Variants in PKHD1 observed in about 807,000 individuals in gnomAD.
The protein encoded by PKHD1 is PKHD1 ciliary IPT domain containing fibrocystin/polyductin.
Under a neutral mutation model 412.0 loss-of-function variants are expected in PKHD1, and 291 were observed. That is an observed-to-expected ratio of 0.71 (90% CI 0.64 to 0.78). The LOEUF is 0.78. Among genes scored for constraint, PKHD1 ranks in the 30% least tolerant of loss-of-function variants. The probability of loss-of-function intolerance (pLI) is 0.00; values close to 1 mark genes in which losing one functional copy is unlikely to be tolerated. For missense variants in PKHD1, 4,825 were observed against 4,950.7 expected (o/e 0.97, Z 0.76); for synonymous variants, 1,777 against 1,821.5 (o/e 0.98, Z 0.62).
intron 52 of PKHD1, among the ~76,000 whole-genome samples, chr6:51,829,757 A>G (rs1481510936): frequency 6.6e-6 from 1 of 152,130 alleles, no homozygotes; most frequent in Non-Finnish European, 1.5e-5. Context: ...TCTGCCACAC[A>G]AATAAAGCAA....
chr6:51,624,003 G>A lies in PKHD1; in HGVS notation c.11785+2994C>T, dbSNP rs546910650. 2.6e-5 allele frequency among the ~76,000 whole-genome samples: 4 copies of A among 152,208 alleles called. No individual in the cohort carries two copies. In the East Asian group the frequency reaches 7.7e-4, roughly 29 times the overall value. On this transcript the variant is annotated intron_variant, in intron 66 of 66. Transcript: ENST00000371117. ...ATATGAATTCCTCTAATATTCCATT[G>A]TTAATTATGATATTGGATCTTGATT...
At chr6:52,017,020 T>C (rs1230433020) in intron 34 of PKHD1, among the ~76,000 whole-genome samples, 1 of 152,232 alleles carries the variant, frequency 6.6e-6, no homozygotes, top group African/African-American at 2.4e-5. Context: ...TATGGCTTTT[T>C]TTCATACTTG....
chr6:51,963,969 T>C (rs139506647), intron 35 of PKHD1, among the ~76,000 whole-genome samples: 385 of 152,052 alleles, frequency 2.5e-3, no homozygotes, highest in Non-Finnish European at 4.4e-3. Flanking sequence ...CAATTCCTCA[T>C]AGGCATATGG....
chr6:51,655,563 CA>C (rs1387938044), intron 61 of PKHD1, among the ~76,000 whole-genome samples: 1 of 152,030 alleles, frequency 6.6e-6, no homozygotes, highest in African/African-American at 2.4e-5. Context: ...GGCAATGTCA[CA>C]AACAAAGAGC....
chr6:52,014,467 G>A (rs1800203678), intron 34 of PKHD1, among the ~76,000 whole-genome samples: 2 of 152,198 alleles, frequency 1.3e-5, no homozygotes, highest in African/African-American at 4.8e-5. Flanking sequence ...GAACAGAGTA[G>A]GGATGTGATC....
intron 42 of PKHD1, 30 bp from the exon 43 acceptor site, chr6:51,903,757 C>G: frequency 3.1e-6 from 5 of 1,593,860 alleles, no homozygotes; most frequent in Non-Finnish European, 4.3e-6. Context: ...AGGGGATCCA[C>G]AAACATAATT....
chr6:51,945,111 A>G (rs2180718), intron 36 of PKHD1, among the ~76,000 whole-genome samples: 11,680 of 152,292 alleles, frequency 0.077, 542 homozygotes, highest in Middle Eastern at 0.11. Context: ...GAAGGAAGAA[A>G]TATGACCTGG....
intron 55 of PKHD1, among the ~76,000 whole-genome samples, chr6:51,764,773 C>G (rs1275255364): frequency 6.6e-6 from 1 of 152,064 alleles, no homozygotes; most frequent in Admixed American, 6.6e-5. Context: ...CCCCTACTCT[C>G]CACATCAACC....
At chr6:51,911,175 A>C (rs951117538) in intron 39 of PKHD1, among the ~76,000 whole-genome samples, 1 of 152,156 alleles carries the variant, frequency 6.6e-6, no homozygotes, top group Non-Finnish European at 1.5e-5. Flanking sequence ...AAAGTTGACA[A>C]ATGATGTCTT....
At position 51,847,886 on chromosome 6, in the gene PKHD1, G is replaced by A. The variant is rs1289882278; in HGVS notation, c.7996C>T (p.Leu2666=). Residue 2666 remains leucine, a synonymous_variant, in exon 50 of 67, where the codon CTA becomes TTA. Transcript: ENST00000371117. ...TDLPPYPDIL[L]RCGSRVGLSF... ...AGACCCACTCGACTCCCACATCTTAGGAGGATGTCAGGGTAAGGCGGCAAA... is the reference window on the plus strand; with the variant it reads ...AGACCCACTCGACTCCCACATCTTAAGAGGATGTCAGGGTAAGGCGGCAAA... 6.2e-7 allele frequency: 1 copy of A among 1,613,382 alleles called. No homozygotes were observed. The highest frequency in any genetic ancestry group is 1.7e-5 in the Admixed American group (1 of 60,020).
intron 6 of PKHD1, among the ~76,000 whole-genome samples, chr6:52,074,098 C>T (rs1384127434): frequency 2.0e-5 from 3 of 152,200 alleles, no homozygotes; most frequent in Admixed American, 2.0e-4. Flanking sequence ...TAAACCATCA[C>T]AGACAATGTT....
intron 27 of PKHD1, among the ~76,000 whole-genome samples, chr6:52,038,374 C>CA (rs34413030): frequency 0.015 from 1,653 of 111,456 alleles, 30 homozygotes; most frequent in African/African-American, 0.044. Flanking sequence ...GACTCGGTCT[C>CA]AAAAAAAAAA....
chr6:51,932,767 T>A (rs1278981248), intron 37 of PKHD1, among the ~76,000 whole-genome samples: 1 of 152,124 alleles, frequency 6.6e-6, no homozygotes, highest in African/African-American at 2.4e-5. Context: ...CAAAATTTGA[T>A]CCCCAGTGTC....
At chr6:51,985,110 A>G (rs957070164) in intron 35 of PKHD1, among the ~76,000 whole-genome samples, 1 of 152,240 alleles carries the variant, frequency 6.6e-6, no homozygotes, top group Non-Finnish European at 1.5e-5. Flanking sequence ...GTAAACTGGT[A>G]CAACTATATT....
chr6:51,949,366 G>T (rs1789962921), intron 36 of PKHD1, among the ~76,000 whole-genome samples: 1 of 152,178 alleles, frequency 6.6e-6, no homozygotes, highest in Non-Finnish European at 1.5e-5. Flanking sequence ...TGGGTAAGGA[G>T]AGCTGGCTGA....
At position 52,025,588 on chromosome 6, in the gene PKHD1, T is replaced by G; in HGVS notation, c.4222A>C (p.Thr1408Pro). 6.2e-7 allele frequency: 1 copy of G among 1,614,104 alleles called. No individual in the cohort carries two copies. The highest frequency in any genetic ancestry group is 8.5e-7 in the Non-Finnish European group (1 of 1,180,012). Residue 1408 changes from threonine (T) to proline (P), a missense_variant, in exon 32 of 67, where the codon ACT (threonine) becomes CCT (proline). Transcript: ENST00000371117. ...GAGTTAAGAAGCAACCCCCTCACAGTAAGTATGGTCCCACCACATGCCGAA... is the reference window on the plus strand; with the variant it reads ...GAGTTAAGAAGCAACCCCCTCACAGGAAGTATGGTCCCACCACATGCCGAA... ...QGSACGGTIL[T>P]VRGLLLNSRR...
chr6:52,043,122 T>A lies in PKHD1; in HGVS notation c.2834A>T (p.Asn945Ile). 7 of 1,612,218 alleles carry A rather than the reference T, an allele frequency of 4.3e-6. No individual in the cohort carries two copies. The highest frequency in any genetic ancestry group is 5.9e-6 in the Non-Finnish European group (7 of 1,178,334). The change falls in exon 27 of 67, where the codon AAC becomes ATC. Residue 945 changes from asparagine to isoleucine, a missense_variant. Coordinates refer to ENST00000371117, the MANE Select transcript of PKHD1 (RefSeq NM_138694.4). ...SVWYSIDGDI[N>I]LMIYITGTGF... ...AGTTCCGGTAATGTAAATCATTAGGTTGATGTCACCATCTTAAAGGAGAAA... is the reference window on the plus strand; with the variant it reads ...AGTTCCGGTAATGTAAATCATTAGGATGATGTCACCATCTTAAAGGAGAAA...
At chr6:51,970,294 TTTTG>T (rs1363729287) in intron 35 of PKHD1, among the ~76,000 whole-genome samples, 12 of 152,290 alleles carry the variant, frequency 7.9e-5, no homozygotes, top group African/African-American at 2.6e-4. Flanking sequence ...TGTTCTGGTG[TTTTG>T]TTTGTTTGTT....
chr6:51,816,196 AAG>A (rs1765435542), intron 52 of PKHD1, among the ~76,000 whole-genome samples: 1 of 152,342 alleles, frequency 6.6e-6, no homozygotes, highest in Admixed American at 6.5e-5. Flanking sequence ...AACATAGAAA[AAG>A]AAAATTTTCA....
Sources: gnomAD v4.1 joint callset for allele counts (sites outside exome capture counted in the v4.1 genomes callset) on GRCh38, gnomAD v4.1.1 for gene constraint, MANE v1.5 for transcripts, NCBI Gene and HGNC (gene_info 2026-07-23, HGNC 2026-07-21) for gene names.